SCOC: variants seen among roughly 807,000 people sequenced by gnomAD.
SCOC encodes the protein short coiled coil protein.
In SCOC, 7 loss-of-function variants were observed where a neutral mutation model predicts 9.9. The observed-to-expected ratio is 0.71, with a 90% CI of 0.40 to 1.33. The LOEUF (loss-of-function observed/expected upper bound fraction) is 1.33, where lower values mean the gene tolerates loss of function less well. Ranked by LOEUF, SCOC falls within the 40% of genes most tolerant of loss-of-function variation. SCOC has a pLI of 0.01. For synonymous variants in SCOC, 19 were observed against 28.2 expected (o/e 0.67, Z 1.03); for missense variants, 66 against 89.7 (o/e 0.74, Z 1.07).
chr4:140,332,074 T>A lies in SCOC; in HGVS notation c.-18-11547T>A, dbSNP rs541096440. Among the ~76,000 whole-genome samples the A allele has an allele frequency of 5.3e-5, 8 of 152,178 alleles. No homozygotes were observed. The East Asian group carries it at 1.5e-3, about 29-fold the overall frequency. The stretch of plus-strand genomic sequence containing the variant: ...TGCCTAGATCTCTTGAAAACTCTTA[T>A]CATGTGAACAGCACTAGTGGGATGG... On this transcript the variant is annotated intron_variant, in intron 1 of 4. Coordinates refer to the SCOC transcript ENST00000394205.
intron 1 of SCOC, among the ~76,000 whole-genome samples, chr4:140,300,792 A>G (rs1347323920): frequency 1.3e-5 from 2 of 152,194 alleles, no homozygotes; most frequent in African/African-American, 4.8e-5. Flanking sequence ...GTTTTAAGGA[A>G]ATGGATGAAC....
intron 1 of SCOC, among the ~76,000 whole-genome samples, chr4:140,320,331 TATC>T (rs1732462924): frequency 6.6e-6 from 1 of 152,160 alleles, no homozygotes; most frequent in African/African-American, 2.4e-5. Context: ...TTGTTTAGCA[TATC>T]ATCAAGAACC....
At chr4:140,312,046 A>T (rs1732172429) in intron 1 of SCOC, among the ~76,000 whole-genome samples, 1 of 152,218 alleles carries the variant, frequency 6.6e-6, no homozygotes, top group Admixed American at 6.5e-5. Context: ...TCTGGCAAAT[A>T]TGAATTGGGA....
intron 1 of SCOC, among the ~76,000 whole-genome samples, chr4:140,268,622 A>G (rs1730779236): frequency 6.6e-6 from 1 of 152,218 alleles, no homozygotes; most frequent in South Asian, 2.1e-4. Flanking sequence ...GTCATCATTT[A>G]GTTCCTGCTG....
intron 1 of SCOC, among the ~76,000 whole-genome samples, chr4:140,264,858 G>T (rs761184954): frequency 1.3e-5 from 2 of 152,174 alleles, no homozygotes; most frequent in Non-Finnish European, 2.9e-5. Context: ...CGTTTAGAGT[G>T]CTGTCAGGAG....
chr4:140,270,144 A>AAG (rs1278186622), intron 1 of SCOC, among the ~76,000 whole-genome samples: 8 of 152,154 alleles, frequency 5.3e-5, no homozygotes, highest in African/African-American at 1.9e-4. Flanking sequence ...GCCTGCTGCA[A>AAG]GCCCCTTTGA....
intron 1 of SCOC, among the ~76,000 whole-genome samples, chr4:140,303,129 A>C (rs1159670962): frequency 5.9e-5 from 9 of 152,094 alleles, no homozygotes; most frequent in Admixed American, 5.9e-4. Context: ...ATTGCCCTTC[A>C]CCTAGAGCTT....
chr4:140,262,818 A>G (rs1730661142), intron 1 of SCOC, among the ~76,000 whole-genome samples: 2 of 151,622 alleles, frequency 1.3e-5, no homozygotes, highest in Admixed American at 6.6e-5. Context: ...GCAGCAGGAG[A>G]GAGAGAGAGA....
chr4:140,374,494 G>A (rs554075454), intron 1 of SCOC, among the ~76,000 whole-genome samples: 2 of 152,182 alleles, frequency 1.3e-5, no homozygotes, highest in East Asian at 3.8e-4. Flanking sequence ...TGAGAGTATA[G>A]CTTCCATTTA....
intron 2 of SCOC, among the ~76,000 whole-genome samples, chr4:140,355,804 T>C (rs2126539673): frequency 6.6e-6 from 1 of 152,314 alleles, no homozygotes; most frequent in Middle Eastern, 3.4e-3. Context: ...TTTATATATA[T>C]GGACTAGAAT....
chr4:140,284,703 A>C (rs1731179433), intron 1 of SCOC: 1 of 152,370 alleles, frequency 6.6e-6, no homozygotes, highest in Non-Finnish European at 1.4e-5. Flanking sequence ...CAAGGTTAAG[A>C]CTTAGCCTGT....
chr4:140,347,273 C>T (rs1054274657), intron 2 of SCOC, among the ~76,000 whole-genome samples: 1 of 151,910 alleles, frequency 6.6e-6, no homozygotes, highest in African/African-American at 2.4e-5. Flanking sequence ...CTTTGGAGTA[C>T]TGTGAAAAAA....
chr4:140,360,918 A>G (rs1279477514), intron 2 of SCOC: 1 of 152,150 alleles, frequency 6.6e-6, no homozygotes, highest in Non-Finnish European at 1.5e-5. Flanking sequence ...TCCTTTTTGA[A>G]CTTTAGATAT....
upstream of SCOC, among the ~76,000 whole-genome samples, chr4:140,342,785 G>A (rs1726557418): frequency 6.6e-6 from 1 of 152,116 alleles, no homozygotes; most frequent in African/African-American, 2.4e-5. Context: ...ATAAATAGTT[G>A]TAAAGAAATA....
chr4:140,378,362 T>A (rs529657079), intron 1 of SCOC, among the ~76,000 whole-genome samples: 1 of 152,302 alleles, frequency 6.6e-6, no homozygotes, highest in South Asian at 2.1e-4. Flanking sequence ...TCATGTTTTT[T>A]ATGCATATTT....
At chr4:140,340,126 A>G (rs2126506351), upstream of SCOC, among the ~76,000 whole-genome samples, 1 of 152,334 alleles carries the variant, frequency 6.6e-6, no homozygotes, top group African/African-American at 2.4e-5. Flanking sequence ...CAGCCATAAA[A>G]ATGATGAGTT....
intron 1 of SCOC, among the ~76,000 whole-genome samples, chr4:140,294,079 G>T (rs1032752926): frequency 6.6e-6 from 1 of 152,158 alleles, no homozygotes; most frequent in African/African-American, 2.4e-5. Context: ...TGTAACCAGG[G>T]CCTAAACCCA....
chr4:140,359,990 G>C (rs1270418452), intron 2 of SCOC, among the ~76,000 whole-genome samples: 2 of 152,178 alleles, frequency 1.3e-5, no homozygotes, highest in East Asian at 3.9e-4. Context: ...CCCTTGTGGT[G>C]AGGCTTCAGG....
chr4:140,338,904 C>G (rs1578825863), upstream of SCOC, among the ~76,000 whole-genome samples: 1 of 152,272 alleles, frequency 6.6e-6, no homozygotes, highest in South Asian at 2.1e-4. Flanking sequence ...AATGCCATCC[C>G]CATCAAGCTA....
Sources: allele counts gnomAD v4.1 joint callset (sites outside exome capture counted in the v4.1 genomes callset), GRCh38; gene constraint gnomAD v4.1.1; transcripts MANE v1.5; gene names NCBI Gene and HGNC (gene_info 2026-07-23, HGNC 2026-07-21).